Variants in ZFHX3 observed in about 807,000 individuals in gnomAD.
ZFHX3 encodes zinc finger homeobox 3, also known as zinc finger homeobox protein 3.
In ZFHX3, 42 loss-of-function variants were observed where a neutral mutation model predicts 279.1. The ratio of observed to expected loss-of-function variants is 0.15; its 90% CI spans 0.12 to 0.19. The LOEUF (loss-of-function observed/expected upper bound fraction) is 0.19, where lower values mean the gene tolerates loss of function less well. Among genes scored for constraint, ZFHX3 ranks in the 10% least tolerant of loss-of-function variants. The pLI is 1.00. For synonymous variants in ZFHX3, 2,293 were observed against 1,957.8 expected, an observed-to-expected ratio of 1.17 and a Z score of -4.52; for missense variants, 4,981 against 4,754.0, an observed-to-expected ratio of 1.05 and a Z score of -1.40.
At chr16:73,823,550 T>C (rs1960812605) in intron 1 of ZFHX3, among the ~76,000 whole-genome samples, 1 of 152,222 alleles carries the variant, frequency 6.6e-6, no homozygotes, top group Non-Finnish European at 1.5e-5. Context: ...TGACCAACTA[T>C]GGCCCCCAGG....
intron 4 of ZFHX3, among the ~76,000 whole-genome samples, chr16:73,301,444 T>G (rs1293622552): frequency 1.8e-4 from 27 of 152,196 alleles, no homozygotes; most frequent in Admixed American, 1.8e-3. Flanking sequence ...GGCTGTCTTG[T>G]GCATTGTAGG....
chr16:73,213,304 G>A (rs1402882204), intron 5 of ZFHX3, among the ~76,000 whole-genome samples: 1 of 152,166 alleles, frequency 6.6e-6, no homozygotes, highest in Non-Finnish European at 1.5e-5. Flanking sequence ...TGGGCTTTGT[G>A]TTTATTTCAG....
intron 5 of ZFHX3, among the ~76,000 whole-genome samples, chr16:73,193,895 G>A (rs1968092494): frequency 6.6e-6 from 1 of 152,184 alleles, no homozygotes; most frequent in South Asian, 2.1e-4. Context: ...CTGGCACATG[G>A]TATACACTCA....
At chr16:73,171,689 G>A (rs1421179612) in intron 5 of ZFHX3, among the ~76,000 whole-genome samples, 1 of 152,112 alleles carries the variant, frequency 6.6e-6, no homozygotes, top group Non-Finnish European at 1.5e-5. Context: ...GGAATGTTAA[G>A]CAGTTCTCGA....
chr16:73,180,639 T>C (rs1412142486), intron 5 of ZFHX3, among the ~76,000 whole-genome samples: 1 of 152,134 alleles, frequency 6.6e-6, no homozygotes, highest in African/African-American at 2.4e-5. Flanking sequence ...CCTCAGTGTG[T>C]ATCACTTGCT....
chr16:72,931,408 C>CGCGCGT (rs1179926875), intron 3 of ZFHX3, among the ~76,000 whole-genome samples: 2 of 26,690 alleles, frequency 7.5e-5, no homozygotes. Flanking sequence ...TTTCATTACA[C>CGCGCGT]ACACACACAC....
At chr16:73,275,922 A>C (rs767404848) in intron 4 of ZFHX3, among the ~76,000 whole-genome samples, 1 of 152,096 alleles carries the variant, frequency 6.6e-6, no homozygotes, top group Non-Finnish European at 1.5e-5. Context: ...TTTGAGCTTT[A>C]TTCTATGGAC....
At chr16:73,517,309 G>T (rs1475777569) in intron 2 of ZFHX3, among the ~76,000 whole-genome samples, 2 of 152,088 alleles carry the variant, frequency 1.3e-5, no homozygotes, top group Non-Finnish European at 1.5e-5. Context: ...CTTTGCACTA[G>T]AAATATTTAT....
rs1245073619 is a variant in ZFHX3, at chr16:72,793,580, G to C, written c.9102C>G (p.Ser3034Arg). The change falls in exon 9 of 10, where the codon AGC becomes AGG. Residue 3034 changes from serine to arginine, a missense_variant. This residue lies in a region of ZFHX3 where 168 missense variants were observed against 249.1 expected (regional missense o/e 0.67). Transcript: ENST00000268489. This position sits in a 1 kb window ranked among gnomAD's most constrained non-coding sequence, Gnocchi z 4.3. ...TECTLCGIKY[S>R]ARLSVRDHIF... is the part of the protein sequence containing the mutation. ...TATGGTCACGTACAGACAGCCGAGC[G>C]CTGTACTTGATGCCACACAAAGTGC... 1.2e-6 allele frequency: 2 copies of C among 1,614,162 alleles called. No homozygotes were observed. The highest frequency in any genetic ancestry group is 1.7e-6 in the Non-Finnish European group (2 of 1,180,030).
intron 4 of ZFHX3, among the ~76,000 whole-genome samples, chr16:73,275,984 T>C (rs2014286962): frequency 6.6e-6 from 1 of 151,078 alleles, no homozygotes; most frequent in Non-Finnish European, 1.5e-5. Context: ...TCAAGAGTGA[T>C]GGGGGGGGAC....
intron 4 of ZFHX3, among the ~76,000 whole-genome samples, chr16:72,855,088 T>C (rs909821699): frequency 9.2e-5 from 14 of 152,140 alleles, no homozygotes; most frequent in Non-Finnish European, 5.9e-5. Flanking sequence ...CTGGGGCAGA[T>C]TGAGAAGATT....
intron 3 of ZFHX3, among the ~76,000 whole-genome samples, chr16:73,453,780 C>T (rs1367359490): frequency 6.6e-6 from 1 of 152,220 alleles, no homozygotes; most frequent in African/African-American, 2.4e-5. Context: ...AGGTGAAAAG[C>T]ATGTCTTACA....
rs761866353 is a variant in ZFHX3 at position 72,796,264 on chromosome 16, G to C, written c.6418C>G (p.Leu2140Val). ...QLYQHQLNPT[L>V]LQQQNKRPRT... ...GGCCTCTTGTTCTGCTGCTGGAGCAGGGTTGGATTGAGCTGATGCTGGTAG... is the reference window on the plus strand; with the variant it reads ...GGCCTCTTGTTCTGCTGCTGGAGCACGGTTGGATTGAGCTGATGCTGGTAG... The change falls in exon 9 of 10, where the codon CTG (leucine) becomes GTG (valine). Residue 2140 changes from leucine to valine, a missense_variant. Leu to Val is a conservative substitution (Grantham distance 32, BLOSUM62 1). Transcript: ENST00000268489. 1 of 1,614,152 alleles carries C rather than the reference G, an allele frequency of 6.2e-7. No homozygotes were observed. The highest frequency in any genetic ancestry group is 1.3e-5 in the African/African-American group (1 of 75,008).
intron 1 of ZFHX3, among the ~76,000 whole-genome samples, chr16:73,851,682 C>G (rs1427010731): frequency 1.3e-5 from 2 of 152,118 alleles, no homozygotes; most frequent in Non-Finnish European, 2.9e-5. Context: ...ATTTGAGAAC[C>G]TACTGAAATC....
chr16:72,947,826 A>T (rs1960774359), intron 3 of ZFHX3, among the ~76,000 whole-genome samples: 1 of 152,194 alleles, frequency 6.6e-6, no homozygotes, highest in South Asian at 2.1e-4. Flanking sequence ...GATTACATCC[A>T]GTTAACTGTG....
chr16:73,102,089 T>C (rs1206252524), intron 7 of ZFHX3, among the ~76,000 whole-genome samples: 2 of 151,814 alleles, frequency 1.3e-5, no homozygotes, highest in East Asian at 1.9e-4. Flanking sequence ...AATTTTTGTG[T>C]TTTTAGTAGA....
intron 1 of ZFHX3, among the ~76,000 whole-genome samples, chr16:73,825,325 G>A (rs1448097129): frequency 4.2e-5 from 2 of 47,816 alleles, no homozygotes; most frequent in East Asian, 8.5e-4. Flanking sequence ...TGAGTAGGTT[G>A]CGAAAATTTT....
intron 4 of ZFHX3, among the ~76,000 whole-genome samples, chr16:73,312,704 A>G (rs1425586299): frequency 6.6e-6 from 1 of 152,050 alleles, no homozygotes; most frequent in Admixed American, 6.5e-5. Flanking sequence ...GAAAGGCACA[A>G]CTCTACATTT....
At chr16:73,260,106 G>C (rs1448112345) in intron 4 of ZFHX3, among the ~76,000 whole-genome samples, 1 of 151,912 alleles carries the variant, frequency 6.6e-6, no homozygotes, top group Non-Finnish European at 1.5e-5. Flanking sequence ...TCAGGACCTT[G>C]ACATTTTTGA....
Sources: allele counts gnomAD v4.1 joint callset (sites outside exome capture counted in the v4.1 genomes callset), GRCh38; gene constraint gnomAD v4.1.1; regional missense constraint gnomAD v4.1.1; non-coding constraint Gnocchi (gnomAD v3.1); transcripts MANE v1.5; gene names NCBI Gene and HGNC (gene_info 2026-07-23, HGNC 2026-07-21).